Variants in ARHGAP22 observed in about 807,000 individuals in gnomAD.
The protein encoded by ARHGAP22 is Rho GTPase activating protein 22, also known as rho GTPase-activating protein 22.
ARHGAP22 carries 48 observed loss-of-function variants against 59.1 expected under a neutral mutation model. The ratio of observed to expected loss-of-function variants is 0.81; its 90% CI spans 0.64 to 1.03. The LOEUF (loss-of-function observed/expected upper bound fraction) is 1.03. Among genes scored for constraint, ARHGAP22 ranks in the 50% least tolerant of loss-of-function variants. The pLI is 0.00. For missense variants in ARHGAP22, 1,015 were observed against 958.7 expected (o/e 1.06, Z -0.78); for synonymous variants, 445 against 416.4 (o/e 1.07, Z -0.84).
At chr10:48,651,666 C>T (rs1195658097) in intron 1 of ARHGAP22, among the ~76,000 whole-genome samples, 1 of 152,136 alleles carries the variant, frequency 6.6e-6, no homozygotes, top group East Asian at 1.9e-4. Context: ...GCCCACCCAG[C>T]GAGCACCTGC....
In ARHGAP22 at chr10:48,558,766, C is replaced by G. The variant is rs944425310; in HGVS notation, c.235-3216G>C. Among the ~76,000 whole-genome samples the G allele has an allele frequency of 3.3e-5, 5 of 152,266 alleles. No homozygotes were observed. In the South Asian group the frequency reaches 8.3e-4, roughly 25 times the overall value. On this transcript the variant is annotated intron_variant, in intron 2 of 9. Coordinates refer to ENST00000249601, the MANE Select transcript of ARHGAP22 (RefSeq NM_021226.4). ...GGTCTGGGGAAAGTAGGACCATTTG[C>G]ATTTCTAACCATTTTTCTGATGCTG... is the stretch of plus-strand genomic sequence containing the variant.
chr10:48,506,027 A>T (rs1430587108), intron 3 of ARHGAP22, among the ~76,000 whole-genome samples: 1 of 152,124 alleles, frequency 6.6e-6, no homozygotes, highest in African/African-American at 2.4e-5. Flanking sequence ...GCCACCACGT[A>T]TCTCTCACCG....
chr10:48,503,517 A>C (rs965617455), intron 3 of ARHGAP22, among the ~76,000 whole-genome samples: 1 of 152,188 alleles, frequency 6.6e-6, no homozygotes, highest in African/African-American at 2.4e-5. Context: ...TACTGCTGCT[A>C]CCGTCACTGG....
intron 1 of ARHGAP22, among the ~76,000 whole-genome samples, chr10:48,623,744 G>C (rs2061357663): frequency 6.6e-6 from 1 of 152,190 alleles, no homozygotes. Flanking sequence ...GGCAGGTCTG[G>C]GGTTGGCATG....
chr10:48,461,735 C>T (rs959681343), intron 4 of ARHGAP22, among the ~76,000 whole-genome samples: 11 of 152,218 alleles, frequency 7.2e-5, no homozygotes, highest in African/African-American at 2.7e-4. Context: ...GTGCCTGACT[C>T]TTTGGAGTGT....
At chr10:48,499,264 G>T (rs1245554571) in intron 3 of ARHGAP22, among the ~76,000 whole-genome samples, 1 of 152,208 alleles carries the variant, frequency 6.6e-6, no homozygotes, top group Non-Finnish European at 1.5e-5. Context: ...AAGCAGGATG[G>T]TACAGATGGC....
chr10:48,453,000 C>T (rs2046132264), intron 8 of ARHGAP22, among the ~76,000 whole-genome samples: 1 of 152,208 alleles, frequency 6.6e-6, no homozygotes. Flanking sequence ...AAGTGCTGAC[C>T]TCTCCCATCC....
chr10:48,620,838 C>T (rs750968363), intron 1 of ARHGAP22, among the ~76,000 whole-genome samples: 57 of 150,572 alleles, frequency 3.8e-4, no homozygotes, highest in African/African-American at 1.3e-3. Flanking sequence ...CATGACAAGA[C>T]GTCTCCCCAC....
intron 2 of ARHGAP22, chr10:48,575,069 T>G (rs1447339829): frequency 6.6e-6 from 1 of 152,214 alleles, no homozygotes; most frequent in African/African-American, 2.4e-5. Context: ...TCACGAAATC[T>G]GGTGGTTTAA....
chr10:48,647,808 C>T (rs183231335), intron 1 of ARHGAP22, among the ~76,000 whole-genome samples: 5 of 152,230 alleles, frequency 3.3e-5, no homozygotes, highest in African/African-American at 9.6e-5. Flanking sequence ...AACGGGTGAG[C>T]GGAGAAACAC....
chr10:48,625,698 AC>A (rs1305216042), intron 1 of ARHGAP22, among the ~76,000 whole-genome samples: 115 of 79,770 alleles, frequency 1.4e-3, no homozygotes, highest in South Asian at 0.011. Context: ...ACGTGTACAC[AC>A]ACACACACAC....
chr10:48,455,269 G>A (rs764369208), intron 5 of ARHGAP22, 135 bp from the exon 6 acceptor site: 15 of 1,073,558 alleles, frequency 1.4e-5, no homozygotes, highest in South Asian at 8.6e-5. Context: ...CTGCATCTGC[G>A]GCCAGCTGCC....
intron 2 of ARHGAP22, among the ~76,000 whole-genome samples, chr10:48,567,347 G>A (rs1258828426): frequency 6.6e-6 from 1 of 152,184 alleles, no homozygotes; most frequent in Non-Finnish European, 1.5e-5. Flanking sequence ...TCATGGGAAT[G>A]AGATGCCATG....
intron 3 of ARHGAP22, among the ~76,000 whole-genome samples, chr10:48,508,917 C>A (rs2052450035): frequency 6.6e-6 from 1 of 152,362 alleles, no homozygotes; most frequent in South Asian, 2.1e-4. Flanking sequence ...CCTAAGGATG[C>A]CTTGTGGGTA....
intron 1 of ARHGAP22, among the ~76,000 whole-genome samples, chr10:48,601,935 C>G (rs919749138): frequency 4.6e-5 from 7 of 152,146 alleles, no homozygotes; most frequent in Non-Finnish European, 7.3e-5. Flanking sequence ...TGTACAGGGC[C>G]AGGTGCAGAG....
chr10:48,511,700 G>C (rs988330995), intron 3 of ARHGAP22: 1 of 152,218 alleles, frequency 6.6e-6, no homozygotes, highest in Non-Finnish European at 1.5e-5. Context: ...GCTGGGCCAG[G>C]CATGAATGCA....
intron 1 of ARHGAP22, among the ~76,000 whole-genome samples, chr10:48,604,363 G>A (rs2060558047): frequency 6.6e-6 from 1 of 152,250 alleles, no homozygotes. Flanking sequence ...TAGAAGCCAG[G>A]GCATGGCCTT....
Position 48,629,239 on chromosome 10 carries a change from G to C in ARHGAP22, c.52+22995C>G, listed in dbSNP as rs1565025157. 2.0e-5 allele frequency among the ~76,000 whole-genome samples: 3 copies of C among 152,284 alleles called. No individual in the cohort carries two copies. In the South Asian group the frequency reaches 6.2e-4, roughly 32 times the overall value. ...TCTTGCCCCAACTTAGGACAGCCTG[G>C]AAAGCCCAGCTAACCCTCAGAGCTA... On this transcript the variant is annotated intron_variant, in intron 1 of 9. Coordinates refer to the ARHGAP22 transcript ENST00000435790.
chr10:48,650,185 A>G (rs2062501208), intron 1 of ARHGAP22, among the ~76,000 whole-genome samples: 1 of 147,126 alleles, frequency 6.8e-6, no homozygotes, highest in African/African-American at 2.5e-5. Flanking sequence ...CCTTTCACGA[A>G]ATGGCATTGC....
Sources: gnomAD v4.1 joint callset for allele counts (sites outside exome capture counted in the v4.1 genomes callset) on GRCh38, gnomAD v4.1.1 for gene constraint, MANE v1.5 for transcripts, NCBI Gene and HGNC (gene_info 2026-07-23, HGNC 2026-07-21) for gene names.